The following PARN variants were observed in gnomAD, a reference collection of about 807,000 sequenced individuals.
PARN encodes the protein poly(A)-specific ribonuclease, also known as poly(A)-specific ribonuclease PARN.
A neutral mutation model predicts 102.8 loss-of-function variants in PARN; 71 were observed. That is an observed-to-expected ratio of 0.69 (90% CI 0.57 to 0.84). PARN has a LOEUF of 0.84. PARN is among the 40% of genes least tolerant of loss of function. The pLI, the probability that PARN is intolerant of heterozygous loss-of-function variation, is 0.00. For missense variants in PARN, 782 were observed against 760.9 expected (o/e 1.03, Z -0.33); for synonymous variants, 261 against 252.9 (o/e 1.03, Z -0.30).
At chr16:14,522,294 G>A (rs1965778032) in intron 21 of PARN, among the ~76,000 whole-genome samples, 1 of 152,214 alleles carries the variant, frequency 6.6e-6, no homozygotes, top group Non-Finnish European at 1.5e-5. Context: ...AGCTAAGGTA[G>A]AGCCTCTTCC....
At chr16:14,449,586 T>C (rs1456117757) in intron 22 of PARN, among the ~76,000 whole-genome samples, 2 of 152,090 alleles carry the variant, frequency 1.3e-5, no homozygotes, top group Non-Finnish European at 2.9e-5. Context: ...CGAGGAAATA[T>C]CTGCAACATG....
At chr16:14,588,453 G>C (rs1363097990) in intron 13 of PARN, among the ~76,000 whole-genome samples, 1 of 152,148 alleles carries the variant, frequency 6.6e-6, no homozygotes, top group Non-Finnish European at 1.5e-5. Context: ...ACTGGCAGTC[G>C]GGAGATACTT....
Position 14,554,096 on chromosome 16 carries a change from G to A in PARN, c.1374C>T (p.Thr458=), listed in dbSNP as rs747799643. 6.2e-7 allele frequency: 1 copy of A among 1,613,162 alleles called. No homozygotes were observed. Among genetic ancestry groups the A allele is most frequent in the Non-Finnish European group, 8.5e-7 (1 of 1,179,516 alleles). The change falls in exon 20 of 24, where the codon ACC becomes ACT. Residue 458 remains threonine (T), a synonymous_variant. Coordinates refer to ENST00000437198, the MANE Select transcript of PARN (RefSeq NM_002582.4). The stretch of plus-strand genomic sequence containing the variant: ...CACTGAAAAGCTGGTAAAGGTCGCT[G>A]GTTTTCCATTCTTTGGGGAATGTCA... The part of the protein sequence containing the change: ...LHVTFPKEWK[T]SDLYQLFSAF...
In PARN at chr16:14,436,703, C is replaced by A. The variant is rs757401353; in HGVS notation, c.*14G>T. On this transcript the variant is annotated 3_prime_UTR_variant, in exon 24 of 24. Coordinates refer to ENST00000437198, the MANE Select transcript of PARN (RefSeq NM_002582.4). ...CAGCGACAGCACCAGCGGTTTGCTG[C>A]CCTCAGGTCTTGGTTACCATGTGTC... 24 of 1,589,684 alleles carry A rather than the reference C, an allele frequency of 1.5e-5. No homozygotes were observed. The highest frequency in any genetic ancestry group is 1.7e-5 in the Admixed American group (1 of 57,170).
In PARN at chr16:14,436,098, G is replaced by T. The variant is rs1960681567; in HGVS notation, c.*619C>A. On this transcript the variant is annotated 3_prime_UTR_variant, in exon 24 of 24. Transcript: ENST00000437198. ...GAGAAACTCACGTCTTAGGAGAAAG[G>T]AACTCTACATAAATATGCCCAAAGG... is the stretch of plus-strand genomic sequence containing the variant. The T allele has an allele frequency of 6.6e-6, 1 of 152,368 alleles. No individual in the cohort carries two copies. The allele number at this position is 152,368 out of a possible 1,614,324, so 9.4% of individuals were successfully genotyped here. A position where few individuals can be genotyped will look rare whatever the true frequency, so the allele number is the denominator to read the frequency against.
At chr16:14,615,243 A>G (rs554415520) in intron 6 of PARN, among the ~76,000 whole-genome samples, 14 of 152,008 alleles carry the variant, frequency 9.2e-5, no homozygotes, top group African/African-American at 3.4e-4. Context: ...ATTCCAGGGC[A>G]TGACTATAAA....
At chr16:14,611,281 A>G (rs1001081632) in intron 6 of PARN, among the ~76,000 whole-genome samples, 1 of 152,214 alleles carries the variant, frequency 6.6e-6, no homozygotes, top group Non-Finnish European at 1.5e-5. Flanking sequence ...AGATGTCATG[A>G]GCAAAAATGG....
intron 13 of PARN, among the ~76,000 whole-genome samples, chr16:14,592,964 C>T (rs1301012744): frequency 1.3e-5 from 2 of 152,022 alleles, no homozygotes; most frequent in Non-Finnish European, 2.9e-5. Flanking sequence ...GGTGAAACCC[C>T]ATCTCTACTA....
intron 22 of PARN, among the ~76,000 whole-genome samples, chr16:14,472,684 C>G (rs1962816472): frequency 6.6e-6 from 1 of 152,190 alleles, no homozygotes; most frequent in Admixed American, 6.5e-5. Context: ...ATTTAAAGTT[C>G]TGAGAGAAAA....
chr16:14,609,771 T>C (rs915000031), intron 7 of PARN, among the ~76,000 whole-genome samples: 1 of 152,152 alleles, frequency 6.6e-6, no homozygotes, highest in Non-Finnish European at 1.5e-5. Context: ...CATCTGCTTG[T>C]CGGCACCTTT....
intron 22 of PARN, among the ~76,000 whole-genome samples, chr16:14,457,007 C>T (rs149072249): frequency 2.6e-5 from 4 of 152,286 alleles, no homozygotes; most frequent in Non-Finnish European, 4.4e-5. Flanking sequence ...TTGTGCTCTC[C>T]GTACCTGGCA....
intron 21 of PARN, among the ~76,000 whole-genome samples, chr16:14,498,581 C>A (rs546702380): frequency 6.6e-5 from 10 of 152,220 alleles, no homozygotes; most frequent in African/African-American, 2.4e-4. Flanking sequence ...TCTGTCACCA[C>A]CAAGAAGGTT....
rs368606417 is a variant in PARN, at chr16:14,503,076, C to T, written c.1481-20249G>A. Among the ~76,000 whole-genome samples, 16 of 152,260 alleles carry T rather than the reference C, an allele frequency of 1.1e-4. No homozygotes were observed. In the East Asian group the frequency reaches 2.7e-3, roughly 26 times the overall value. On this transcript the variant is annotated intron_variant, in intron 21 of 23. Coordinates refer to ENST00000437198, the MANE Select transcript of PARN (RefSeq NM_002582.4). ...ATTTCACCTTCTGCCCCCCTCACCC[C>T]GCTGCGCCCCTGAGTGCTCCTATCC...
intron 9 of PARN, among the ~76,000 whole-genome samples, chr16:14,607,284 C>T (rs1232610444): frequency 6.6e-6 from 1 of 152,142 alleles, no homozygotes; most frequent in African/African-American, 2.4e-5. Flanking sequence ...TCTTGGCTCA[C>T]TGCACCTCTG....
At chr16:14,437,925 T>G (rs1486884323) in intron 23 of PARN, among the ~76,000 whole-genome samples, 1 of 152,182 alleles carries the variant, frequency 6.6e-6, no homozygotes, top group Non-Finnish European at 1.5e-5. Flanking sequence ...GAATTTCAGC[T>G]AACATGAGAA....
chr16:14,449,053 A>G (rs1328716509), intron 22 of PARN, among the ~76,000 whole-genome samples: 1 of 152,170 alleles, frequency 6.6e-6, no homozygotes, highest in African/African-American at 2.4e-5. Context: ...CAAGAAGATA[A>G]TAAGGGTTCT....
chr16:14,549,776 G>T (rs1227261516), intron 21 of PARN, among the ~76,000 whole-genome samples: 2 of 152,192 alleles, frequency 1.3e-5, no homozygotes, highest in Non-Finnish European at 2.9e-5. Context: ...CCTACCACGG[G>T]TCAAGCACTG....
At chr16:14,602,675 A>T (rs1313970846) in intron 11 of PARN, among the ~76,000 whole-genome samples, 3 of 152,004 alleles carry the variant, frequency 2.0e-5, no homozygotes, top group Non-Finnish European at 4.4e-5. Context: ...ACACATCAGG[A>T]GGGAAGGGTG....
intron 21 of PARN, among the ~76,000 whole-genome samples, chr16:14,501,987 A>T (rs1159929846): frequency 6.6e-6 from 1 of 152,224 alleles, no homozygotes; most frequent in Non-Finnish European, 1.5e-5. Flanking sequence ...ATTTTTAAAA[A>T]ATGTGGTTTT....
Sources: gnomAD v4.1 joint callset for allele counts (sites outside exome capture counted in the v4.1 genomes callset) on GRCh38, gnomAD v4.1.1 for gene constraint, MANE v1.5 for transcripts, NCBI Gene and HGNC (gene_info 2026-07-23, HGNC 2026-07-21) for gene names.